The following GFRA2 variants were observed in gnomAD, a reference collection of about 807,000 sequenced individuals.
GFRA2 encodes the protein GDNF family receptor alpha 2, also known as GDNF family receptor alpha-2.
GFRA2 carries 17 observed loss-of-function variants against 48.3 expected under a neutral mutation model. The ratio of observed to expected loss-of-function variants is 0.35; its 90% CI spans 0.24 to 0.53. The LOEUF (loss-of-function observed/expected upper bound fraction) is 0.53, where lower values mean the gene tolerates loss of function less well. GFRA2 is among the 20% of genes least tolerant of loss of function. GFRA2 has a pLI of 0.93. For missense variants in GFRA2, 660 were observed against 637.3 expected (o/e 1.04, Z -0.38); for synonymous variants, 305 against 257.2 (o/e 1.19, Z -1.78).
At chr8:21,708,117 A>G (rs1802840640) in intron 4 of GFRA2, among the ~76,000 whole-genome samples, 1 of 152,062 alleles carries the variant, frequency 6.6e-6, no homozygotes, top group Admixed American at 6.5e-5. Context: ...GTGTTGCAGG[A>G]GGGCCTGGAG....
intron 4 of GFRA2, among the ~76,000 whole-genome samples, chr8:21,717,289 T>C (rs540581713): frequency 1.7e-3 from 256 of 152,306 alleles, no homozygotes; most frequent in African/African-American, 5.9e-3. Context: ...CAGACAGACA[T>C]TAACACCAGG....
intron 2 of GFRA2, among the ~76,000 whole-genome samples, chr8:21,796,178 C>A (rs1373745179): frequency 6.6e-6 from 1 of 152,214 alleles, no homozygotes; most frequent in African/African-American, 2.4e-5. Context: ...CTGTAGTTGG[C>A]ACTATACTGG....
chr8:21,788,235 T>C lies in GFRA2; in HGVS notation c.-76A>G. 6.4e-7 allele frequency: 1 copy of C among 1,570,806 alleles called. No homozygotes were observed. The highest frequency in any genetic ancestry group is 8.6e-7 in the Non-Finnish European group (1 of 1,159,318). On this transcript the variant is annotated 5_prime_UTR_variant, in exon 1 of 9. Transcript: ENST00000524240. ...ATAATAGTAGTAACAACAACAATAA[T>C]AATAGGCAAGCAGTGGTAATCAGCC...
rs73669518 is a variant in GFRA2, at chr8:21,709,628, T to C, written c.795-3587A>G. On this transcript the variant is annotated intron_variant, in intron 4 of 8. Transcript: ENST00000524240. ...CAGGGACTGGGGCAGTGGGAGATCA[T>C]TGCTTGCTTATCTCCCTTGGGGAGC... Among the ~76,000 whole-genome samples, 697 of 152,232 alleles carry C rather than the reference T, an allele frequency of 4.6e-3. 6 individuals are homozygous for C. Among genetic ancestry groups the C allele is most frequent in the African/African-American group, 0.016 (670 of 41,518 alleles).
At chr8:21,781,348 C>A (rs1232610601) in intron 2 of GFRA2, among the ~76,000 whole-genome samples, 1 of 152,140 alleles carries the variant, frequency 6.6e-6, no homozygotes, top group African/African-American at 2.4e-5. Flanking sequence ...CCACGACACA[C>A]CACCTGCCAC....
chr8:21,728,002 G>C (rs56014844), intron 4 of GFRA2, among the ~76,000 whole-genome samples: 60,845 of 152,002 alleles, frequency 0.4, 14,772 homozygotes, highest in East Asian at 0.61. Context: ...ACAGGCAGGG[G>C]CGACGTCAGA....
intron 4 of GFRA2, among the ~76,000 whole-genome samples, chr8:21,709,910 C>T (rs1038853561): frequency 2.0e-5 from 3 of 152,238 alleles, no homozygotes; most frequent in Non-Finnish European, 4.4e-5. Flanking sequence ...CTTCCTGTTC[C>T]TTTGCCCTTT....
intron 4 of GFRA2, among the ~76,000 whole-genome samples, chr8:21,731,589 T>C (rs989178800): frequency 1.3e-5 from 2 of 152,152 alleles, no homozygotes; most frequent in African/African-American, 4.8e-5. Context: ...ATAAAGTTTG[T>C]TCATCAAAAC....
At position 21,691,005 on chromosome 8, in the gene GFRA2, T is replaced by C. The variant is rs1160542815; in HGVS notation, c.*2273A>G. ...TGGCTGGCTCACTGTACCCCTTCCA[T>C]GCAGAGGCTGGAAGGCAATACACCA... On this transcript the variant is annotated 3_prime_UTR_variant, in exon 9 of 9. Coordinates refer to ENST00000524240, the MANE Select transcript of GFRA2 (RefSeq NM_001495.5). The C allele has an allele frequency of 6.6e-6, 1 of 152,130 alleles. No homozygotes were observed. Among genetic ancestry groups the C allele is most frequent in the African/African-American group, 2.4e-5 (1 of 41,416 alleles). 9.4% of individuals were successfully genotyped at this position (152,130 alleles called of 1,614,324 possible). A position where few individuals can be genotyped will look rare whatever the true frequency, so the allele number is the denominator to read the frequency against.
At chr8:21,748,192 C>A (rs112007868) in intron 4 of GFRA2, among the ~76,000 whole-genome samples, 1 of 152,112 alleles carries the variant, frequency 6.6e-6, no homozygotes, top group African/African-American at 2.4e-5. Flanking sequence ...TTACTGAGGT[C>A]GAGACCCACA....
At chr8:21,767,883 C>A (rs1416311016) in intron 3 of GFRA2, among the ~76,000 whole-genome samples, 3 of 152,236 alleles carry the variant, frequency 2.0e-5, no homozygotes, top group Non-Finnish European at 4.4e-5. Flanking sequence ...GATGAAGTCA[C>A]CAACACCCTG....
intron 1 of GFRA2, among the ~76,000 whole-genome samples, chr8:21,806,195 C>T (rs1316000009): frequency 6.6e-6 from 1 of 152,194 alleles, no homozygotes; most frequent in African/African-American, 2.4e-5. Flanking sequence ...TACGGAGGGT[C>T]TCAAACTTCT....
chr8:21,770,720 T>C (rs1450135491), intron 3 of GFRA2, among the ~76,000 whole-genome samples: 1 of 151,338 alleles, frequency 6.6e-6, no homozygotes, highest in Non-Finnish European at 1.5e-5. Context: ...TCCCTGTCCT[T>C]TAGGCATGGG....
chr8:21,766,300 T>C (rs1014589127), intron 3 of GFRA2, among the ~76,000 whole-genome samples: 1 of 152,052 alleles, frequency 6.6e-6, no homozygotes, highest in African/African-American at 2.4e-5. Context: ...TTCATCACTA[T>C]CTCACATGTC....
intron 4 of GFRA2, among the ~76,000 whole-genome samples, chr8:21,746,439 A>G (rs1333930571): frequency 1.3e-5 from 2 of 151,698 alleles, no homozygotes; most frequent in African/African-American, 4.8e-5. Flanking sequence ...GGAAAGAGGG[A>G]TTGGAAGAAT....
Position 21,750,746 on chromosome 8 carries a change from G to A in GFRA2, c.636C>T (p.Pro212=). ...AGAGCATGCGGTAGGTGTACTCGCT[G>A]GGCACCCGGTCGAAGAACTGGCGCA... The part of the protein sequence containing the change: ...KALRQFFDRV[P]SEYTYRMLFC... The change falls in exon 4 of 9, where the codon CCC becomes CCT. Residue 212 remains proline (P), a synonymous_variant. Transcript: ENST00000524240. This position sits in a 1 kb window ranked among gnomAD's most constrained non-coding sequence, Gnocchi z 5.7. 6.2e-7 allele frequency: 1 copy of A among 1,613,994 alleles called. No individual in the cohort carries two copies. The highest frequency in any genetic ancestry group is 8.5e-7 in the Non-Finnish European group (1 of 1,179,878).
At chr8:21,719,120 G>C (rs1427626805) in intron 4 of GFRA2, among the ~76,000 whole-genome samples, 4 of 152,060 alleles carry the variant, frequency 2.6e-5, no homozygotes, top group Non-Finnish European at 4.4e-5. Flanking sequence ...GCTGTGGCTG[G>C]AGCACTGAAC....
At chr8:21,780,654 T>G (rs1585335057) in intron 2 of GFRA2, among the ~76,000 whole-genome samples, 1 of 152,116 alleles carries the variant, frequency 6.6e-6, no homozygotes, top group Admixed American at 6.5e-5. Flanking sequence ...CAAAACAGAT[T>G]CCCCATCCCC....
intron 3 of GFRA2, among the ~76,000 whole-genome samples, chr8:21,751,533 C>CA (rs11425185): frequency 0.044 from 6,682 of 152,278 alleles, 394 homozygotes; most frequent in African/African-American, 0.14. Flanking sequence ...CAAGGTTGCC[C>CA]AGCACAGGAA....
Sources: allele counts gnomAD v4.1 joint callset (sites outside exome capture counted in the v4.1 genomes callset), GRCh38; gene constraint gnomAD v4.1.1; non-coding constraint Gnocchi (gnomAD v3.1); transcripts MANE v1.5; gene names NCBI Gene and HGNC (gene_info 2026-07-23, HGNC 2026-07-21).